Variants in KCNQ5 observed in about 807,000 individuals in gnomAD.
The protein encoded by KCNQ5 is potassium voltage-gated channel subfamily Q member 5, also known as potassium voltage-gated channel subfamily KQT member 5.
KCNQ5 carries 30 observed loss-of-function variants against 98.2 expected under a neutral mutation model. The observed-to-expected ratio is 0.31, with a 90% CI of 0.23 to 0.41. The LOEUF (loss-of-function observed/expected upper bound fraction) is 0.41, where lower values mean the gene tolerates loss of function less well. KCNQ5 is among the 10% of genes least tolerant of loss of function. The pLI, the probability that KCNQ5 is intolerant of heterozygous loss-of-function variation, is 1.00. For synonymous variants in KCNQ5, 458 were observed against 449.4 expected, an observed-to-expected ratio of 1.02 and a Z score of -0.24; for missense variants, 835 against 1,182.5, an observed-to-expected ratio of 0.71 and a Z score of 4.31.
chr6:72,718,388 G>C (rs1769759763), intron 1 of KCNQ5, among the ~76,000 whole-genome samples: 1 of 148,614 alleles, frequency 6.7e-6, no homozygotes, highest in South Asian at 2.1e-4. Context: ...CTTTTATCTT[G>C]GTTTTCAATT....
chr6:73,029,937 G>A (rs974276853), intron 2 of KCNQ5, among the ~76,000 whole-genome samples: 1 of 144,258 alleles, frequency 6.9e-6, no homozygotes, highest in Non-Finnish European at 1.5e-5. Context: ...GAGTATACTT[G>A]ATTTATGGCA....
intron 3 of KCNQ5, among the ~76,000 whole-genome samples, chr6:73,047,273 T>C (rs188222765): frequency 6.6e-6 from 1 of 152,312 alleles, no homozygotes; most frequent in Admixed American, 6.5e-5. Context: ...CTTAATTATA[T>C]CAACTAAATT....
intron 10 of KCNQ5, among the ~76,000 whole-genome samples, chr6:73,149,440 T>C (rs1777055361): frequency 6.6e-6 from 1 of 152,058 alleles, no homozygotes; most frequent in South Asian, 2.1e-4. Flanking sequence ...TAAGAGAAGA[T>C]CTTTGGGATC....
chr6:72,649,891 C>T (rs190236536), intron 1 of KCNQ5, among the ~76,000 whole-genome samples: 1 of 152,148 alleles, frequency 6.6e-6, no homozygotes, highest in African/African-American at 2.4e-5. Context: ...AAATGAAATC[C>T]CAGAAGCTTG....
rs1346580135 is a variant in KCNQ5, at chr6:73,195,909, A to C, written c.*495A>C. Reference sequence around the variant, plus strand: ...AATAATAGAAATGGCTGCTTATTTCAAGATATATTTGCCAACCCATTCCTA... The same window carrying C: ...AATAATAGAAATGGCTGCTTATTTCCAGATATATTTGCCAACCCATTCCTA... On this transcript the variant is annotated 3_prime_UTR_variant, in exon 14 of 14. Transcript: ENST00000370398. 1 of 158,502 alleles carries C rather than the reference A, an allele frequency of 6.3e-6. No individual in the cohort carries two copies. The highest frequency in any genetic ancestry group is 2.4e-5 in the African/African-American group (1 of 41,502). 9.8% of individuals were successfully genotyped at this position (158,502 alleles called of 1,614,324 possible).
At chr6:72,805,964 G>A (rs907261907) in intron 1 of KCNQ5, among the ~76,000 whole-genome samples, 1 of 151,960 alleles carries the variant, frequency 6.6e-6, no homozygotes, top group Non-Finnish European at 1.5e-5. Context: ...TTTTCAGATT[G>A]TTTGCTGTTG....
At position 72,709,410 on chromosome 6, in the gene KCNQ5, A is replaced by G. The variant is rs558709367; in HGVS notation, c.398+86823A>G. Among the ~76,000 whole-genome samples the G allele has an allele frequency of 5.9e-5, 9 of 152,346 alleles. No individual in the cohort carries two copies. The South Asian group carries it at 1.2e-3, about 21-fold the overall frequency. Reference sequence around the variant, plus strand: ...CCTTGGAGAGGAAATATTTCTAGAAATATAAATTCTGTCATTCTCTTTTCT... The same window carrying G: ...CCTTGGAGAGGAAATATTTCTAGAAGTATAAATTCTGTCATTCTCTTTTCT... On this transcript the variant is annotated intron_variant, in intron 1 of 13. Transcript: ENST00000370398.
intron 1 of KCNQ5, among the ~76,000 whole-genome samples, chr6:72,695,376 A>G (rs1314816223): frequency 1.3e-5 from 2 of 152,336 alleles, no homozygotes; most frequent in East Asian, 3.9e-4. Flanking sequence ...TGAAAAGTAC[A>G]GAAAACAATA....
intron 1 of KCNQ5, among the ~76,000 whole-genome samples, chr6:72,810,977 C>G (rs1430240059): frequency 6.6e-6 from 1 of 152,158 alleles, no homozygotes; most frequent in Non-Finnish European, 1.5e-5. Context: ...ACAGAGTATT[C>G]GCTGTATAAA....
chr6:72,672,018 GT>G lies in KCNQ5; in HGVS notation c.398+49432del, dbSNP rs551769683. Among the ~76,000 whole-genome samples, 310 of 151,194 alleles carry G rather than the reference GT, an allele frequency of 2.1e-3. 2 individuals are homozygous for G. The highest frequency in any genetic ancestry group is 6.3e-3 in the South Asian group (30 of 4,780). Reference sequence around the variant, plus strand: ...TTTTTAGTAGAGACAGGGTTTCACCGTGTTAGCCAGGATGGTCTCAATCTTC... The same window carrying G: ...TTTTTAGTAGAGACAGGGTTTCACCGGTTAGCCAGGATGGTCTCAATCTTC... On this transcript the variant is annotated intron_variant, in intron 1 of 13. Transcript: ENST00000370398.
At chr6:73,133,091 T>C (rs924088453) in intron 9 of KCNQ5, among the ~76,000 whole-genome samples, 4 of 152,240 alleles carry the variant, frequency 2.6e-5, no homozygotes, top group Non-Finnish European at 5.9e-5. Context: ...AAAGCTAAAA[T>C]TACCCAACTG....
At position 72,869,729 on chromosome 6, in the gene KCNQ5, G is replaced by A. The variant is rs1019529393; in HGVS notation, c.399-134179G>A. 2.6e-4 allele frequency among the ~76,000 whole-genome samples: 39 copies of A among 152,130 alleles called. 1 individual carries two copies. Among genetic ancestry groups the A allele is most frequent in the Admixed American group, 4.6e-4 (7 of 15,278 alleles). On this transcript the variant is annotated intron_variant, in intron 1 of 13. Coordinates refer to ENST00000370398, the MANE Select transcript of KCNQ5 (RefSeq NM_019842.4). ...AAAAAAAAATGGGGGTGGTGTTTTC[G>A]AGTAATGTGCCTAAGGGATGTTTTC...
intron 5 of KCNQ5, among the ~76,000 whole-genome samples, chr6:73,093,977 T>G (rs1484952987): frequency 1.3e-5 from 2 of 152,160 alleles, no homozygotes; most frequent in Non-Finnish European, 2.9e-5. Context: ...CAGTCTTGAT[T>G]ATCTGTCCAG....
Position 72,774,740 on chromosome 6 carries a change from G to A in KCNQ5, c.398+152153G>A, listed in dbSNP as rs139416348. ...GGCCAATAAACATGAAAAGGTTCTC[G>A]GCTTAATTAGTTATCAGTAAAATAA... On this transcript the variant is annotated intron_variant, in intron 1 of 13. Transcript: ENST00000370398. Among the ~76,000 whole-genome samples the A allele has an allele frequency of 3.8e-3, 576 of 152,078 alleles. 4 individuals carry two copies. The highest frequency in any genetic ancestry group is 0.017 in the Middle Eastern group (5 of 294).
intron 11 of KCNQ5, among the ~76,000 whole-genome samples, chr6:73,173,288 A>G (rs1778079892): frequency 6.6e-6 from 1 of 152,194 alleles, no homozygotes; most frequent in African/African-American, 2.4e-5. Flanking sequence ...CAAAAGCCCC[A>G]TATTTTAGTG....
At chr6:73,124,368 C>T (rs1775863024) in intron 8 of KCNQ5, 118 bp from the exon 9 acceptor site, 2 of 839,830 alleles carry the variant, frequency 2.4e-6, no homozygotes, top group South Asian at 1.5e-5. Flanking sequence ...GTGGATCTTG[C>T]ATGAAAAGAG....
chr6:72,633,886 A>C (rs2098922492), intron 1 of KCNQ5, among the ~76,000 whole-genome samples: 2 of 152,326 alleles, frequency 1.3e-5, no homozygotes, highest in South Asian at 4.1e-4. Flanking sequence ...AAATTATCTC[A>C]AGATGGATTA....
chr6:72,935,098 T>C (rs1210057374), intron 1 of KCNQ5, among the ~76,000 whole-genome samples: 1 of 141,948 alleles, frequency 7.0e-6, no homozygotes, highest in Non-Finnish European at 1.5e-5. Flanking sequence ...TGAGATGGAG[T>C]TTCGCTCTTG....
At chr6:73,091,957 C>T (rs530514577) in intron 5 of KCNQ5, among the ~76,000 whole-genome samples, 1 of 152,104 alleles carries the variant, frequency 6.6e-6, no homozygotes, top group South Asian at 2.1e-4. Flanking sequence ...TCTACCTATC[C>T]GTGAGCATTG....
Sources: gnomAD v4.1 joint callset for allele counts (sites outside exome capture counted in the v4.1 genomes callset) on GRCh38, gnomAD v4.1.1 for gene constraint, MANE v1.5 for transcripts, NCBI Gene and HGNC (gene_info 2026-07-23, HGNC 2026-07-21) for gene names.